LRRC7: variants seen among roughly 807,000 people sequenced by gnomAD.
The protein encoded by LRRC7 is leucine rich repeat containing 7, also known as leucine-rich repeat-containing protein 7.
LRRC7 carries 23 observed loss-of-function variants against 175.7 expected under a neutral mutation model. That is an observed-to-expected ratio of 0.13 (90% confidence interval 0.09 to 0.19). The LOEUF (loss-of-function observed/expected upper bound fraction) is 0.19. Ranked by LOEUF, LRRC7 falls within the 10% of genes least tolerant of loss-of-function variation. The pLI is 1.00. For synonymous variants in LRRC7, 685 were observed against 680.9 expected, an observed-to-expected ratio of 1.01 and a Z score of -0.09; for missense variants, 1,354 against 1,904.7, an observed-to-expected ratio of 0.71 and a Z score of 5.38.
intron 2 of LRRC7, chr1:69,716,068 T>C: frequency 2.5e-6 from 1 of 399,814 alleles, no homozygotes. Context: ...TTGCTTATTA[T>C]GTTCATTTAG....
chr1:69,877,885 A>G (rs894337914), intron 7 of LRRC7, among the ~76,000 whole-genome samples: 1 of 152,156 alleles, frequency 6.6e-6, no homozygotes, highest in Admixed American at 6.6e-5. Flanking sequence ...CAGAATAGAC[A>G]TATTTTACTC....
intron 1 of LRRC7, among the ~76,000 whole-genome samples, chr1:69,605,553 G>A (rs549808546): frequency 1.3e-5 from 2 of 152,266 alleles, no homozygotes; most frequent in African/African-American, 4.8e-5. Context: ...TTCTTTAGAA[G>A]TAGTTCTGTT....
chr1:69,569,784 G>A (rs573139345), intron 1 of LRRC7, among the ~76,000 whole-genome samples: 2 of 151,776 alleles, frequency 1.3e-5, no homozygotes, highest in African/African-American at 2.4e-5. Context: ...GGTTGGGCGA[G>A]AGGGCACAGC....
intron 1 of LRRC7, among the ~76,000 whole-genome samples, chr1:69,585,694 A>G (rs1646376675): frequency 6.6e-6 from 1 of 152,244 alleles, no homozygotes; most frequent in African/African-American, 2.4e-5. Context: ...GATGTCAAGA[A>G]TAAGTTGTGA....
At chr1:70,035,979 T>A in intron 18 of LRRC7, 142 bp from the exon 19 acceptor site, 1 of 576,070 alleles carries the variant, frequency 1.7e-6, no homozygotes, top group Non-Finnish European at 3.0e-6. Context: ...GAGATACATA[T>A]GGTTTATTTC....
At position 70,134,312 on chromosome 1, in the gene LRRC7, A is replaced by G. The variant is rs1666784407; in HGVS notation, c.*12425A>G. 1.3e-5 allele frequency among the ~76,000 whole-genome samples: 2 copies of G among 152,138 alleles called. No individual in the cohort carries two copies. Among genetic ancestry groups the G allele is most frequent in the African/African-American group, 4.8e-5 (2 of 41,422 alleles). ...GGCGGCCTTGGTGACATGTGTCCTC[A>G]AGCTATTTTGGTTCTTCTTAGTCAT... is the stretch of plus-strand genomic sequence containing the variant. On this transcript the variant is annotated 3_prime_UTR_variant, in exon 27 of 27. Coordinates refer to ENST00000651989, the MANE Select transcript of LRRC7 (RefSeq NM_001370785.2).
chr1:69,817,750 T>C (rs1483041854), intron 4 of LRRC7, among the ~76,000 whole-genome samples: 1 of 152,154 alleles, frequency 6.6e-6, no homozygotes, highest in Non-Finnish European at 1.5e-5. Context: ...ATTAATTGTT[T>C]CACTCCGTGA....
intron 7 of LRRC7, among the ~76,000 whole-genome samples, chr1:69,891,788 G>T (rs949584820): frequency 3.3e-5 from 5 of 151,952 alleles, no homozygotes; most frequent in African/African-American, 1.2e-4. Context: ...AACAATAAAG[G>T]AAAAGTTTAA....
At chr1:69,782,974 C>T (rs576943423) in intron 3 of LRRC7, among the ~76,000 whole-genome samples, 1 of 152,274 alleles carries the variant, frequency 6.6e-6, no homozygotes, top group Non-Finnish European at 1.5e-5. Context: ...TGAAAAATGA[C>T]CATCCAAACA....
At chr1:69,888,742 CGA>C (rs1310674738) in intron 7 of LRRC7, among the ~76,000 whole-genome samples, 1 of 151,846 alleles carries the variant, frequency 6.6e-6, no homozygotes, top group East Asian at 1.9e-4. Flanking sequence ...AGACAGAAGC[CGA>C]GAGTAGAACA....
intron 1 of LRRC7, among the ~76,000 whole-genome samples, chr1:69,606,593 T>C (rs1222182175): frequency 1.3e-5 from 2 of 152,166 alleles, no homozygotes; most frequent in African/African-American, 4.8e-5. Flanking sequence ...ATCTCTATTA[T>C]AGTGCACAAG....
intron 5 of LRRC7, among the ~76,000 whole-genome samples, chr1:69,831,715 A>G (rs1680546832): frequency 6.6e-6 from 1 of 152,100 alleles, no homozygotes; most frequent in Non-Finnish European, 1.5e-5. Flanking sequence ...AATCATATCC[A>G]CAGAATTCAA....
At chr1:69,610,924 A>G (rs1268615840) in intron 1 of LRRC7, among the ~76,000 whole-genome samples, 2 of 152,022 alleles carry the variant, frequency 1.3e-5, no homozygotes, top group African/African-American at 4.8e-5. Context: ...TGCTTTTCTT[A>G]TTAAACACAC....
intron 24 of LRRC7, among the ~76,000 whole-genome samples, chr1:70,080,711 C>T (rs1385650173): frequency 6.6e-6 from 1 of 152,184 alleles, no homozygotes; most frequent in Non-Finnish European, 1.5e-5. Context: ...AAACCATGTG[C>T]ATGTCACCTG....
At chr1:69,917,925 T>C (rs12568093) in intron 7 of LRRC7, among the ~76,000 whole-genome samples, 59,333 of 152,042 alleles carry the variant, frequency 0.39, 12,838 homozygotes, top group East Asian at 0.55. Context: ...AATTACTCTT[T>C]CAGTATTTTC....
Position 70,049,977 on chromosome 1 carries a change from A to G in LRRC7, c.4111-3049A>G, listed in dbSNP as rs569817595. 2.0e-5 allele frequency among the ~76,000 whole-genome samples: 3 copies of G among 152,170 alleles called. No individual in the cohort carries two copies. In the East Asian group the frequency reaches 5.8e-4, roughly 29 times the overall value. On this transcript the variant is annotated intron_variant, in intron 22 of 26. Coordinates refer to ENST00000651989, the MANE Select transcript of LRRC7 (RefSeq NM_001370785.2). ...GACCTTTGCAAATTGCCAAATTCTAATACCACTCTCATATAATTGTAATAA... is the reference window on the plus strand; with the variant it reads ...GACCTTTGCAAATTGCCAAATTCTAGTACCACTCTCATATAATTGTAATAA...
chr1:70,088,717 C>T (rs950911076), intron 24 of LRRC7, among the ~76,000 whole-genome samples: 33 of 152,262 alleles, frequency 2.2e-4, no homozygotes, highest in African/African-American at 7.7e-4. Flanking sequence ...CCCACATACA[C>T]ATCTCCTGCT....
chr1:69,917,749 A>G lies in LRRC7; in HGVS notation c.648-13758A>G, dbSNP rs1646764536. On this transcript the variant is annotated intron_variant, in intron 7 of 26. Coordinates refer to ENST00000651989, the MANE Select transcript of LRRC7 (RefSeq NM_001370785.2). ...CTTTTCCATTCATGAGAGTAGGACA[A>G]TAGACTTTCCTGCAACATACTCTAA... 2.0e-5 allele frequency among the ~76,000 whole-genome samples: 3 copies of G among 152,168 alleles called. No homozygotes were observed. In the South Asian group the frequency reaches 6.2e-4, roughly 31 times the overall value.
intron 20 of LRRC7, among the ~76,000 whole-genome samples, chr1:70,037,620 C>T (rs569266342): frequency 1.3e-5 from 2 of 152,278 alleles, no homozygotes; most frequent in South Asian, 2.1e-4. Flanking sequence ...AAGGTACTCT[C>T]GGCCAATAGT....
Sources: gnomAD v4.1 joint callset for allele counts (sites outside exome capture counted in the v4.1 genomes callset) on GRCh38, gnomAD v4.1.1 for gene constraint, MANE v1.5 for transcripts, NCBI Gene and HGNC (gene_info 2026-07-23, HGNC 2026-07-21) for gene names.